DOCK3: variants seen among roughly 807,000 people sequenced by gnomAD.
DOCK3 encodes dedicator of cytokinesis 3.
A neutral mutation model predicts 265.6 loss-of-function variants in DOCK3; 60 were observed. The ratio of observed to expected loss-of-function variants is 0.23; its 90% CI spans 0.18 to 0.28. The LOEUF (loss-of-function observed/expected upper bound fraction) is 0.28, where lower values mean the gene tolerates loss of function less well. DOCK3 is among the 10% of genes least tolerant of loss of function. DOCK3 has a pLI of 1.00. For synonymous variants in DOCK3, 881 were observed against 938.0 expected, an observed-to-expected ratio of 0.94 and a Z score of 1.11; for missense variants, 1,981 against 2,594.3, an observed-to-expected ratio of 0.76 and a Z score of 5.14.
Position 51,379,589 on chromosome 3 carries a change from G to A in DOCK3, c.5501-536G>A, listed in dbSNP as rs542657423. 8.6e-5 allele frequency: 85 copies of A among 985,478 alleles called. 2 individuals carry two copies. The South Asian group carries it at 3.0e-3, about 34-fold the overall frequency. The allele number at this position is 985,478 out of a possible 1,614,324, so 61.0% of individuals were successfully genotyped here. On this transcript the variant is annotated intron_variant, in intron 51 of 52. Coordinates refer to ENST00000266037, the MANE Select transcript of DOCK3 (RefSeq NM_004947.5). The stretch of plus-strand genomic sequence containing the variant: ...GCTGCATGGTAAGAAGACCTCCAGC[G>A]GGTCCCCCGATAGTCCCTGGTCTCA...
At chr3:50,836,248 T>G (rs1405011461) in intron 2 of DOCK3, among the ~76,000 whole-genome samples, 1 of 152,222 alleles carries the variant, frequency 6.6e-6, no homozygotes, top group Non-Finnish European at 1.5e-5. Context: ...TACCCAACCT[T>G]TCCCTTCTGC....
chr3:50,901,328 C>G (rs1241230183), intron 4 of DOCK3, among the ~76,000 whole-genome samples: 1 of 152,132 alleles, frequency 6.6e-6, no homozygotes, highest in Non-Finnish European at 1.5e-5. Flanking sequence ...CTCCCCCCAC[C>G]AAGCTCGAGT....
At chr3:50,944,707 C>G (rs2076382506) in intron 5 of DOCK3, among the ~76,000 whole-genome samples, 1 of 152,122 alleles carries the variant, frequency 6.6e-6, no homozygotes. Flanking sequence ...GCCTGTAATT[C>G]TAGCACTTTG....
intron 4 of DOCK3, among the ~76,000 whole-genome samples, chr3:50,909,129 C>T (rs1314749523): frequency 2.6e-5 from 4 of 151,892 alleles, no homozygotes; most frequent in Non-Finnish European, 4.4e-5. Context: ...AGATGGGTCT[C>T]CTGAAGACGG....
intron 1 of DOCK3, among the ~76,000 whole-genome samples, chr3:50,706,801 G>T (rs13089255): frequency 0.11 from 15,406 of 145,920 alleles, 877 homozygotes; most frequent in Non-Finnish European, 0.12. Context: ...TTTTTTTTTT[G>T]ATCTGACTTG....
intron 12 of DOCK3, among the ~76,000 whole-genome samples, chr3:51,168,135 A>T (rs1437674958): frequency 6.6e-6 from 1 of 152,212 alleles, no homozygotes; most frequent in Non-Finnish European, 1.5e-5. Context: ...TCATGAAAGG[A>T]TGTTAAATTT....
At chr3:51,328,691 T>C (rs1031301528) in intron 32 of DOCK3, among the ~76,000 whole-genome samples, 1 of 152,202 alleles carries the variant, frequency 6.6e-6, no homozygotes, top group Non-Finnish European at 1.5e-5. Flanking sequence ...ACTGCCTTCA[T>C]TGAATTTACT....
chr3:51,167,237 G>T (rs2086452432), intron 12 of DOCK3, among the ~76,000 whole-genome samples: 2 of 151,772 alleles, frequency 1.3e-5, no homozygotes. Flanking sequence ...TGTATTCTTG[G>T]TACCCTTGTC....
intron 12 of DOCK3, among the ~76,000 whole-genome samples, chr3:51,165,206 C>G (rs999184968): frequency 2.0e-5 from 3 of 152,134 alleles, no homozygotes; most frequent in Non-Finnish European, 4.4e-5. Flanking sequence ...GGGTTACAGG[C>G]GTGAGCCACC....
At chr3:51,338,442 T>C in intron 36 of DOCK3, 23 bp downstream of exon 36, 2 of 1,551,626 alleles carry the variant, frequency 1.3e-6, no homozygotes, top group Non-Finnish European at 1.7e-6. Flanking sequence ...GGGCCCTGAC[T>C]TCTCTCTGCC....
chr3:50,888,266 T>A (rs534364891), intron 3 of DOCK3, among the ~76,000 whole-genome samples: 3 of 152,044 alleles, frequency 2.0e-5, no homozygotes, highest in South Asian at 4.2e-4. Context: ...CACAATTGCG[T>A]CAAAGAGAAT....
In DOCK3 at chr3:51,176,625, CA is replaced by C. The variant is rs796847820; in HGVS notation, c.1037+15934del. On this transcript the variant is annotated intron_variant, in intron 12 of 52. Coordinates refer to ENST00000266037, the MANE Select transcript of DOCK3 (RefSeq NM_004947.5). Reference sequence around the variant, plus strand: ...TGGGCAACAGAGCGAGACTCCGTCTCAAAAAAAAAAAGTGGTTGCTGAAAGA... The same window carrying C: ...TGGGCAACAGAGCGAGACTCCGTCTCAAAAAAAAAAGTGGTTGCTGAAAGA... 1.1e-3 allele frequency among the ~76,000 whole-genome samples: 151 copies of C among 142,418 alleles called. 2 individuals are homozygous for C. In the South Asian group the frequency reaches 0.023, roughly 22 times the overall value. 93.4% of individuals were successfully genotyped at this position (142,418 alleles called of 152,430 possible). A position where few individuals can be genotyped will look rare whatever the true frequency, so the allele number is the denominator to read the frequency against.
At chr3:51,184,226 G>A (rs564745763) in intron 12 of DOCK3, among the ~76,000 whole-genome samples, 15 of 151,494 alleles carry the variant, frequency 9.9e-5, no homozygotes, top group African/African-American at 2.7e-4. Flanking sequence ...CAGGAGAATC[G>A]CTTGTACCTG....
chr3:50,778,678 T>C lies in DOCK3; in HGVS notation c.41T>C (p.Ile14Thr), dbSNP rs767290600. 6.3e-7 allele frequency: 1 copy of C among 1,582,052 alleles called. No homozygotes were observed. Among genetic ancestry groups the C allele is most frequent in the Non-Finnish European group, 8.6e-7 (1 of 1,162,632 alleles). ...GTGTTTATCCTTGCTTTTCTAGTGA[T>C]ATGCAGCTTTCGAGGATCTGTCCCT... ...PTEEEKYGVV[I>T]CSFRGSVPQG... Residue 14 changes from isoleucine to threonine, a missense_variant, in exon 2 of 53, where the codon ATA becomes ACA. Ile to Thr is a moderately conservative substitution (Grantham distance 89, BLOSUM62 -1). Transcript: ENST00000266037.
At chr3:50,996,223 CTTTTT>C (rs754305815) in intron 5 of DOCK3, among the ~76,000 whole-genome samples, 1 of 141,590 alleles carries the variant, frequency 7.1e-6, no homozygotes, top group Non-Finnish European at 1.5e-5. Context: ...TTTTTCTTAA[CTTTTT>C]TTTTTTTTTG....
chr3:51,100,387 A>G (rs1309778352), intron 9 of DOCK3, among the ~76,000 whole-genome samples: 3 of 152,210 alleles, frequency 2.0e-5, no homozygotes, highest in South Asian at 2.1e-4. Context: ...AAAGCCTGCC[A>G]TATTTTTAGC....
At chr3:51,097,202 C>A (rs2109668317) in intron 9 of DOCK3, among the ~76,000 whole-genome samples, 1 of 152,290 alleles carries the variant, frequency 6.6e-6, no homozygotes, top group South Asian at 2.1e-4. Flanking sequence ...GAAGCTGTGC[C>A]CACAGCCACC....
chr3:51,280,878 C>G (rs1184552212), intron 27 of DOCK3, among the ~76,000 whole-genome samples: 2 of 152,114 alleles, frequency 1.3e-5, no homozygotes, highest in African/African-American at 4.8e-5. Context: ...CGTGTCCAGT[C>G]CCTACTCCAC....
chr3:50,948,242 A>C (rs1416648015), intron 5 of DOCK3, among the ~76,000 whole-genome samples: 1 of 150,668 alleles, frequency 6.6e-6, no homozygotes, highest in Non-Finnish European at 1.5e-5. Context: ...TTTTTAGTAG[A>C]GACGGGGTTT....
Sources: allele counts gnomAD v4.1 joint callset (sites outside exome capture counted in the v4.1 genomes callset), GRCh38; gene constraint gnomAD v4.1.1; transcripts MANE v1.5; gene names NCBI Gene and HGNC (gene_info 2026-07-23, HGNC 2026-07-21).